TRO: variants seen among roughly 807,000 people sequenced by gnomAD.
TRO encodes MAGE superfamily protein.
In TRO, 29 loss-of-function variants were observed where a neutral mutation model predicts 42.3. The observed-to-expected ratio is 0.68, with a 90% confidence interval of 0.51 to 0.93. The LOEUF (loss-of-function observed/expected upper bound fraction) is 0.93. Among genes scored for constraint, TRO ranks in the 40% least tolerant of loss-of-function variants. The pLI is 0.00. For missense variants in TRO, 963 were observed against 1,127.7 expected (o/e 0.85, Z 2.09); for synonymous variants, 384 against 425.2 (o/e 0.90, Z 1.19).
Position 54,930,383 on chromosome X carries a change from G to T in TRO, c.3659G>T (p.Gly1220Val). ...GGGLNTSAGF[G>V]GGLGTSAGFS... ...GGACTGAACACCAGTGCTGGCTTTG[G>T]TGGTGGCCTAGGCACCAGTGCTGGC... is the stretch of plus-strand genomic sequence containing the variant. Residue 1220 changes from glycine (G) to valine (V), a missense_variant, in exon 12 of 13, where the codon GGT (glycine) becomes GTT (valine). Gly to Val is a moderately radical substitution (Grantham distance 109). This residue lies in a region of TRO where 641 missense variants were observed against 811.3 expected (regional missense o/e 0.79). Coordinates refer to ENST00000173898, the MANE Select transcript of TRO (RefSeq NM_001039705.3). The T allele has an allele frequency of 8.2e-7, 1 of 1,212,413 alleles. No individual in the cohort carries two copies. The highest frequency in any genetic ancestry group is 3.0e-5 in the East Asian group (1 of 33,872).
intron 10 of TRO, 156 bp downstream of exon 10, chrX:54,927,261 ACC>A (rs1440494851): frequency 1.6e-6 from 1 of 632,940 alleles, no homozygotes; most frequent in African/African-American, 2.2e-5. Flanking sequence ...CCATGGGCAG[ACC>A]TTTCCAGGAC....
chrX:54,928,378 T>C (rs138544254), intron 11 of TRO, among the ~76,000 whole-genome samples: 2,638 of 112,247 alleles, frequency 0.024, 74 homozygotes, highest in African/African-American at 0.082. Flanking sequence ...TATCATTTCC[T>C]GTAATTATAA....
rs767457725 is a variant in TRO, at chrX:54,931,199, T to C, written c.*12-5T>C. On this transcript the variant is annotated splice_polypyrimidine_tract_variant and splice_region_variant and intron_variant, in intron 12 of 12. Coordinates refer to ENST00000173898, the MANE Select transcript of TRO (RefSeq NM_001039705.3). ...AAAATGTGTTCCTATTTGTTTTGTT[T>C]TCAGATTTATTCCCCATGTTTACAG... 3.3e-6 allele frequency: 4 copies of C among 1,210,084 alleles called. No individual in the cohort carries two copies. The East Asian group carries it at 1.2e-4, about 36-fold the overall frequency.
At chrX:54,924,778 C>A in intron 5 of TRO, 45 bp downstream of exon 5, 1 of 1,149,869 alleles carries the variant, frequency 8.7e-7, no homozygotes, top group Non-Finnish European at 1.2e-6. Context: ...CTCTCCACTC[C>A]CCTCTCCTCC....
At position 54,924,461 on chromosome X, in the gene TRO, T is replaced by C. The variant is rs1410256986; in HGVS notation, c.1247T>C (p.Leu416Pro). 1 of 1,204,374 alleles carries C rather than the reference T, an allele frequency of 8.3e-7. No individual in the cohort carries two copies. The highest frequency in any genetic ancestry group is 1.1e-6 in the Non-Finnish European group (1 of 892,088). ...TTTCTGATGATGAAGTCCAAGCATC[T>C]GAATGGGGATGAGAGAAGTGGCAGT... ...RGKRNRKSKH[L>P]NGDERSGSNY... Residue 416 changes from leucine (L) to proline (P), a missense_variant, in exon 4 of 13, where the codon CTG becomes CCG. Physicochemically the swap from Leu to Pro is moderately conservative, Grantham distance 98. Around this residue, in one of 2 missense-constraint regions of TRO, gnomAD observed 322 missense variants for 316.5 expected, o/e 1.02. Transcript: ENST00000173898.
Position 54,930,090 on chromosome X carries a change from T to A in TRO, c.3366T>A (p.Thr1122=), listed in dbSNP as rs746308269. 65 of 1,203,991 alleles carry A rather than the reference T, an allele frequency of 5.4e-5. No individual in the cohort carries two copies. Among genetic ancestry groups the A allele is most frequent in the Non-Finnish European group, 6.8e-5 (61 of 892,980 alleles). ...ALSTAADFGG[T]PSNSIGFGAA... is the part of the protein sequence containing the mutation. ...GTACCGCTGCTGACTTCGGTGGTAC[T>A]CCCAGCAACAGCATTGGCTTTGGTG... The change falls in exon 12 of 13, where the codon ACT becomes ACA. Residue 1122 remains threonine (T), a synonymous_variant. Transcript: ENST00000173898.
Position 54,924,508 on chromosome X carries a change from G to A in TRO, c.1294G>A (p.Gly432Ser). The change falls in exon 4 of 13, where the codon GGC becomes AGC. Residue 432 changes from glycine to serine, a missense_variant. This residue lies in a region of TRO where 641 missense variants were observed against 811.3 expected (regional missense o/e 0.79). Transcript: ENST00000173898. ...CAGTAATTACAGGCGGATCCCATGG[G>A]GCCGGAGGCCTGCACCACCGCGAGA... The part of the protein sequence containing the change: ...SGSNYRRIPW[G>S]RRPAPPRDVA... 1 of 1,209,504 alleles carries A rather than the reference G, an allele frequency of 8.3e-7. No homozygotes were observed. Among genetic ancestry groups the A allele is most frequent in the Non-Finnish European group, 1.1e-6 (1 of 894,518 alleles).
chrX:54,928,498 CTG>C (rs1932849314), intron 11 of TRO, 103 bp from the exon 12 acceptor site: 5 of 985,623 alleles, frequency 5.1e-6, no homozygotes, highest in Non-Finnish European at 6.7e-6. Context: ...GCCCCAATAA[CTG>C]AGAAGTTTAA....
At chrX:54,924,831 T>C (rs1932554250) in intron 5 of TRO, 98 bp downstream of exon 5, 1 of 1,000,377 alleles carries the variant, frequency 1.0e-6, no homozygotes, top group Non-Finnish European at 1.4e-6. Context: ...TGTTCTGTCA[T>C]ATCTCCACAC....
intron 7 of TRO, 52 bp downstream of exon 7, chrX:54,925,735 C>T: frequency 9.8e-7 from 1 of 1,022,529 alleles, no homozygotes; most frequent in Non-Finnish European, 1.4e-6. Context: ...TTTATCTGTG[C>T]TGCTACCCCT....
At chrX:54,921,465 G>C (rs1932030215) in intron 1 of TRO, 2 of 110,084 alleles carry the variant, frequency 1.8e-5, no homozygotes, top group Non-Finnish European at 3.8e-5. Context: ...AGTTGGATTT[G>C]GGGGTGAGGT....
chrX:54,923,027 G>C lies in TRO; in HGVS notation c.495G>C (p.Gln165His), dbSNP rs1932289593. The C allele has an allele frequency of 8.3e-7, 1 of 1,212,059 alleles. No homozygotes were observed. Among genetic ancestry groups the C allele is most frequent in the African/African-American group, 1.7e-5 (1 of 57,850 alleles). Residue 165 changes from glutamine (Q) to histidine (H), a missense_variant, in exon 3 of 13, where the codon CAG (glutamine) becomes CAC (histidine). Gln to His is a conservative substitution (Grantham distance 24). Transcript: ENST00000173898. ...SPTGHEGGTI[Q>H]LKSPLQVLKL... ...CTGGCCATGAGGGTGGCACTATACA[G>C]CTGAAGTCACCCTTGCAGGTCCTAA...
rs773096244 is a variant in TRO, at chrX:54,922,198, C to T, written c.-44-5C>T. Reference sequence around the variant, plus strand: ...TCTCCCCCTCCCTCTCATTCTCTAACTCAGGCCCATTCCCCTCAGGCTCAC... The same window carrying T: ...TCTCCCCCTCCCTCTCATTCTCTAATTCAGGCCCATTCCCCTCAGGCTCAC... On this transcript the variant is annotated splice_polypyrimidine_tract_variant and splice_region_variant and intron_variant, in intron 1 of 12. Coordinates refer to ENST00000173898, the MANE Select transcript of TRO (RefSeq NM_001039705.3). 3.4e-6 allele frequency: 4 copies of T among 1,179,722 alleles called. No individual in the cohort carries two copies. In the South Asian group the frequency reaches 7.5e-5, roughly 22 times the overall value.
In TRO at chrX:54,930,905, C is replaced by A; in HGVS notation, c.4181C>A (p.Ala1394Asp). ...TTCAGCGGTGGACCGAGCACAGGAGCTGGCTTCGGCGGTGGACCAAACACT... is the reference window on the plus strand; with the variant it reads ...TTCAGCGGTGGACCGAGCACAGGAGATGGCTTCGGCGGTGGACCAAACACT... ...SGFSGGPSTG[A>D]GFGGGPNTGA... The change falls in exon 12 of 13, where the codon GCT becomes GAT. Residue 1394 changes from alanine to aspartate, a missense_variant. By Grantham distance (126) the Ala-to-Asp change is moderately radical. Around this residue, in one of 2 missense-constraint regions of TRO, gnomAD observed 641 missense variants for 811.3 expected, o/e 0.79. Transcript: ENST00000173898. 8.3e-7 allele frequency: 1 copy of A among 1,210,779 alleles called. No homozygotes were observed. The highest frequency in any genetic ancestry group is 1.8e-5 in the South Asian group (1 of 56,893).
chrX:54,924,527 C>T lies in TRO; in HGVS notation c.1313C>T (p.Pro438Leu), dbSNP rs200640045. 7.8e-4 allele frequency: 937 copies of T among 1,207,745 alleles called. No homozygotes were observed. Among genetic ancestry groups the T allele is most frequent in the Non-Finnish European group, 9.7e-4 (870 of 893,975 alleles). Residue 438 changes from proline to leucine, a missense_variant, in exon 4 of 13, where the codon CCG becomes CTG. By Grantham distance (98) the Pro-to-Leu change is moderately conservative. Transcript: ENST00000173898. ...CCATGGGGCCGGAGGCCTGCACCAC[C>T]GCGAGATGTGGCCATTTTACAAGAA... Reference protein sequence around the residue: ...RIPWGRRPAPPRDVAILQERA... With the variant: ...RIPWGRRPAPLRDVAILQERA...
At chrX:54,925,275 C>T (rs1446343053) in intron 6 of TRO, among the ~76,000 whole-genome samples, 2 of 111,611 alleles carry the variant, frequency 1.8e-5, no homozygotes, top group East Asian at 2.8e-4. Flanking sequence ...GGACAGAAGC[C>T]ACTCAAATTA....
intron 3 of TRO, 76 bp downstream of exon 3, chrX:54,923,844 C>T (rs1463947658): frequency 9.8e-7 from 1 of 1,021,781 alleles, no homozygotes; most frequent in African/African-American, 1.9e-5. Context: ...TTCATTTCTT[C>T]TATAAAAGTT....
intron 1 of TRO, 48 bp downstream of exon 1, chrX:54,920,926 G>T (rs1478038861): frequency 9.0e-6 from 1 of 111,126 alleles, no homozygotes; most frequent in Non-Finnish European, 1.9e-5. Context: ...GGGGCTTCCT[G>T]GCTGCGGCTT....
chrX:54,923,224 C>T lies in TRO; in HGVS notation c.692C>T (p.Thr231Ile), dbSNP rs765323973. 2.1e-5 allele frequency: 25 copies of T among 1,209,894 alleles called. No individual in the cohort carries two copies. The highest frequency in any genetic ancestry group is 2.7e-5 in the Non-Finnish European group (24 of 895,245). The part of the protein sequence containing the change: ...EVSLAATATH[T>I]ATTQGQITNE... ...TCGCTGGCTGCAACTGCCACCCATA[C>T]AGCTACCACCCAAGGCCAAATTACC... is the stretch of plus-strand genomic sequence containing the variant. The change falls in exon 3 of 13, where the codon ACA becomes ATA. Residue 231 changes from threonine (T) to isoleucine (I), a missense_variant. By Grantham distance (89) the Thr-to-Ile change is moderately conservative (BLOSUM62 -1). Transcript: ENST00000173898.
Sources: gnomAD v4.1 joint callset for allele counts (sites outside exome capture counted in the v4.1 genomes callset) on GRCh38, gnomAD v4.1.1 for gene constraint, gnomAD v4.1.1 regional missense constraint, MANE v1.5 for transcripts, NCBI Gene and HGNC (gene_info 2026-07-23, HGNC 2026-07-21) for gene names.